FAM185A: variants seen among roughly 807,000 people sequenced by gnomAD.
The protein encoded by FAM185A is family with sequence similarity 185 member A.
In FAM185A, 21 loss-of-function variants were observed where a neutral mutation model predicts 45.7. The ratio of observed to expected loss-of-function variants is 0.46; its 90% CI spans 0.33 to 0.66. The LOEUF (loss-of-function observed/expected upper bound fraction) is 0.66, where lower values mean the gene tolerates loss of function less well. Ranked by LOEUF, FAM185A falls within the 30% of genes least tolerant of loss-of-function variation. The pLI is 0.03. For synonymous variants in FAM185A, 117 were observed against 194.0 expected, an observed-to-expected ratio of 0.60 and a Z score of 3.30; for missense variants, 305 against 485.4, an observed-to-expected ratio of 0.63 and a Z score of 3.49.
the FAM185A span, among the ~76,000 whole-genome samples, chr7:102,830,443 G>C: frequency 6.6e-6 from 1 of 152,172 alleles, no homozygotes. Context: ...AAGTTGCAGA[G>C]AGTCAGTTGG....
At chr7:102,778,490 C>T (rs1234675925) in intron 6 of FAM185A, among the ~76,000 whole-genome samples, 2 of 152,194 alleles carry the variant, frequency 1.3e-5, no homozygotes, top group Non-Finnish European at 2.9e-5. Flanking sequence ...GAATAAGCAG[C>T]TGTTACATAC....
the FAM185A span, among the ~76,000 whole-genome samples, chr7:102,840,581 G>A: frequency 6.6e-6 from 1 of 152,166 alleles, no homozygotes; most frequent in African/African-American, 2.4e-5. Context: ...TTACTGTAAG[G>A]ACAGTCACAG....
the FAM185A span, among the ~76,000 whole-genome samples, chr7:102,829,693 C>T: frequency 6.6e-6 from 1 of 152,144 alleles, no homozygotes. Flanking sequence ...GGTCACAGTA[C>T]TACTAACTGA....
chr7:102,793,200 GTTT>G (rs113039515), intron 7 of FAM185A, among the ~76,000 whole-genome samples: 3 of 151,134 alleles, frequency 2.0e-5, no homozygotes, highest in Non-Finnish European at 4.4e-5. Flanking sequence ...CTTTTATGGT[GTTT>G]TTTTTTTGTT....
At chr7:102,783,762 C>T (rs911463051) in intron 6 of FAM185A, among the ~76,000 whole-genome samples, 3 of 152,070 alleles carry the variant, frequency 2.0e-5, no homozygotes, top group Non-Finnish European at 4.4e-5. Flanking sequence ...CCTAACATCA[C>T]AATTAAAAGA....
At chr7:102,820,870 T>C in the FAM185A span, among the ~76,000 whole-genome samples, 1 of 152,218 alleles carries the variant, frequency 6.6e-6, no homozygotes, top group Non-Finnish European at 1.5e-5. Flanking sequence ...TAATGTTGCA[T>C]TGAAGATTAA....
chr7:102,760,880 G>A (rs1794072110), intron 3 of FAM185A, among the ~76,000 whole-genome samples: 1 of 152,198 alleles, frequency 6.6e-6, no homozygotes, highest in Admixed American at 6.5e-5. Context: ...TAGGATTAGT[G>A]ACTTTAGTGA....
At chr7:102,820,664 A>G in the FAM185A span, among the ~76,000 whole-genome samples, 2 of 152,316 alleles carry the variant, frequency 1.3e-5, no homozygotes, top group Middle Eastern at 3.4e-3. Context: ...AAAGAAAAGA[A>G]ATTTATTGCT....
the FAM185A span, among the ~76,000 whole-genome samples, chr7:102,841,352 C>G: frequency 6.6e-6 from 1 of 151,952 alleles, no homozygotes; most frequent in East Asian, 1.9e-4. Context: ...GATTATCTTC[C>G]TTTTAACACA....
At chr7:102,791,299 C>G (rs1466777721) in intron 7 of FAM185A, among the ~76,000 whole-genome samples, 1 of 146,980 alleles carries the variant, frequency 6.8e-6, no homozygotes, top group Non-Finnish European at 1.5e-5. Context: ...GAGAAAAAAA[C>G]AACTTTTGCT....
chr7:102,832,383 T>C, the FAM185A span, among the ~76,000 whole-genome samples: 1 of 152,210 alleles, frequency 6.6e-6, no homozygotes. Context: ...AGTTATATGT[T>C]GTTATATTTT....
At chr7:102,761,638 TAGTA>T (rs913922030) in intron 4 of FAM185A, among the ~76,000 whole-genome samples, 3 of 151,966 alleles carry the variant, frequency 2.0e-5, no homozygotes, top group Non-Finnish European at 2.9e-5. Flanking sequence ...ATGGAACTAA[TAGTA>T]AGTCTAATTT....
chr7:102,821,674 A>G, the FAM185A span, among the ~76,000 whole-genome samples: 1 of 152,220 alleles, frequency 6.6e-6, no homozygotes, highest in African/African-American at 2.4e-5. Context: ...TTTTGCCCTC[A>G]GTCAAGAGGC....
At chr7:102,776,116 A>AC (rs1198677194) in intron 5 of FAM185A, among the ~76,000 whole-genome samples, 1 of 126,678 alleles carries the variant, frequency 7.9e-6, no homozygotes, top group African/African-American at 3.7e-5. Flanking sequence ...ACACACACAC[A>AC]AATGTTTTCT....
the FAM185A span, chr7:102,832,909 A>T: frequency 4.3e-6 from 7 of 1,614,228 alleles, no homozygotes; most frequent in East Asian, 1.6e-4. Context: ...TGATAATCAT[A>T]TCTGACAGCT....
chr7:102,772,328 C>T, intron 4 of FAM185A, 81 bp from the exon 5 acceptor site: 3 of 808,346 alleles, frequency 3.7e-6, no homozygotes. Context: ...AGATATTCAT[C>T]CATGTTTTAG....
chr7:102,785,449 C>A (rs1229355338), intron 6 of FAM185A, among the ~76,000 whole-genome samples: 1 of 151,864 alleles, frequency 6.6e-6, no homozygotes, highest in African/African-American at 2.4e-5. Flanking sequence ...GCTACAGTAA[C>A]CAAAACAGCA....
At chr7:102,835,183 T>A in the FAM185A span, among the ~76,000 whole-genome samples, 1 of 152,178 alleles carries the variant, frequency 6.6e-6, no homozygotes, top group East Asian at 1.9e-4. Context: ...TTTCAACTGA[T>A]TCAGCACTTA....
intron 6 of FAM185A, among the ~76,000 whole-genome samples, chr7:102,785,659 T>C (rs9719806): frequency 0.46 from 67,502 of 147,298 alleles, 17,026 homozygotes; most frequent in African/African-American, 0.7. Context: ...CCCTTCCTTA[T>C]ACCTTATACA....
Sources: gnomAD v4.1 joint callset for allele counts (sites outside exome capture counted in the v4.1 genomes callset) on GRCh38, gnomAD v4.1.1 for gene constraint, MANE v1.5 for transcripts, NCBI Gene and HGNC (gene_info 2026-07-23, HGNC 2026-07-21) for gene names.